ACADM: variants seen among roughly 807,000 people sequenced by gnomAD.
The protein encoded by ACADM is acyl-CoA dehydrogenase medium chain, also known as medium-chain specific acyl-CoA dehydrogenase, mitochondrial.
Under a neutral mutation model 58.9 loss-of-function variants are expected in ACADM, and 49 were observed. The ratio of observed to expected loss-of-function variants is 0.83; its 90% CI spans 0.66 to 1.06. The LOEUF (loss-of-function observed/expected upper bound fraction) is 1.06, where lower values mean the gene tolerates loss of function less well. Ranked by LOEUF, ACADM falls within the 50% of genes least tolerant of loss-of-function variation. The pLI, the probability that ACADM is intolerant of heterozygous loss-of-function variation, is 0.00. For missense variants in ACADM, 496 were observed against 507.0 expected (o/e 0.98, Z 0.21); for synonymous variants, 160 against 157.7 (o/e 1.01, Z -0.11).
At chr1:75,754,757 G>T (rs569265134) in intron 10 of ACADM, among the ~76,000 whole-genome samples, 2 of 152,338 alleles carry the variant, frequency 1.3e-5, no homozygotes, top group South Asian at 4.1e-4. Context: ...ATCTCACTGG[G>T]ATTTGTCGTA....
At chr1:75,761,634 G>A in intron 11 of ACADM, 1 of 446,282 alleles carries the variant, frequency 2.2e-6, no homozygotes. Context: ...AGTTTTAACA[G>A]ATTGGCTAAT....
chr1:75,749,952 C>G (rs1365923123), intron 9 of ACADM, among the ~76,000 whole-genome samples: 1 of 152,090 alleles, frequency 6.6e-6, no homozygotes, highest in Non-Finnish European at 1.5e-5. Flanking sequence ...ACCTCGTGAT[C>G]TGCCTACCTC....
chr1:75,734,236 T>C (rs1647200375), intron 5 of ACADM, among the ~76,000 whole-genome samples: 1 of 146,238 alleles, frequency 6.8e-6, no homozygotes, highest in Non-Finnish European at 1.5e-5. Context: ...CGATCTCAGC[T>C]CACTGCAAGC....
intron 1 of ACADM, among the ~76,000 whole-genome samples, chr1:75,725,483 C>T (rs1340914261): frequency 6.6e-6 from 1 of 152,148 alleles, no homozygotes; most frequent in Non-Finnish European, 1.5e-5. Context: ...CCATGTTTTG[C>T]TGGTGTTATG....
intron 10 of ACADM, among the ~76,000 whole-genome samples, chr1:75,752,729 T>A (rs958552906): frequency 6.6e-5 from 10 of 152,206 alleles, no homozygotes; most frequent in Admixed American, 3.3e-4. Flanking sequence ...CAATTTCAGA[T>A]TTTTTTGTTA....
At chr1:75,751,067 C>T (rs1368940888) in intron 10 of ACADM, among the ~76,000 whole-genome samples, 5 of 149,628 alleles carry the variant, frequency 3.3e-5, no homozygotes, top group Non-Finnish European at 1.5e-5. Flanking sequence ...TCTAGCCGGG[C>T]GCGGTGGATC....
chr1:75,745,535 A>ATC, intron 7 of ACADM: 1 of 449,104 alleles, frequency 2.2e-6, no homozygotes, highest in Non-Finnish European at 4.1e-6. Flanking sequence ...AATATCATAT[A>ATC]TACTGTACTG....
intron 10 of ACADM, among the ~76,000 whole-genome samples, chr1:75,754,332 C>T (rs558900553): frequency 2.0e-5 from 3 of 151,760 alleles, no homozygotes; most frequent in Admixed American, 1.3e-4. Context: ...CTCAGCCTCC[C>T]GAGTAGCTGG....
intron 8 of ACADM, among the ~76,000 whole-genome samples, chr1:75,746,342 T>C (rs1647900210): frequency 6.6e-6 from 1 of 152,134 alleles, no homozygotes; most frequent in Admixed American, 6.5e-5. Flanking sequence ...TACTAGGTCA[T>C]ACAACACTAA....
At chr1:75,757,378 A>G (rs992453769) in intron 10 of ACADM, among the ~76,000 whole-genome samples, 1 of 152,174 alleles carries the variant, frequency 6.6e-6, no homozygotes, top group Non-Finnish European at 1.5e-5. Context: ...AATCAACCCT[A>G]TCAAAAAGTG....
intron 1 of ACADM, among the ~76,000 whole-genome samples, chr1:75,725,923 A>G (rs1033921198): frequency 6.6e-6 from 1 of 152,252 alleles, no homozygotes; most frequent in African/African-American, 2.4e-5. Context: ...ACATTCAGCA[A>G]TTATAACTCC....
chr1:75,736,889 C>A (rs1407895365), intron 6 of ACADM, among the ~76,000 whole-genome samples: 1 of 152,010 alleles, frequency 6.6e-6, no homozygotes, highest in Non-Finnish European at 1.5e-5. Context: ...GTGTTTTTAA[C>A]AGTTAGCCCC....
At position 75,736,173 on chromosome 1, in the gene ACADM, T is replaced by TACACACACACACACACACAC. The variant is rs10647103; in HGVS notation, c.468+1315_468+1334dup. Among the ~76,000 whole-genome samples, 1,288 of 144,516 alleles carry TACACACACACACACACACAC rather than the reference T, an allele frequency of 8.9e-3. 17 individuals are homozygous for TACACACACACACACACACAC. The highest frequency in any genetic ancestry group is 0.031 in the African/African-American group (1,175 of 38,448). 94.8% of individuals were successfully genotyped at this position (144,516 alleles called of 152,430 possible). A position where few individuals can be genotyped will look rare whatever the true frequency, so the allele number is the denominator to read the frequency against. The stretch of plus-strand genomic sequence containing the variant: ...AACAAGATAAATACACACACAGACA[T>TACACACACACACACACACAC]ACACACACACACACACACACACACA... On this transcript the variant is annotated intron_variant, in intron 6 of 11. Transcript: ENST00000370841.
intron 7 of ACADM, among the ~76,000 whole-genome samples, chr1:75,742,478 C>G (rs1647633163): frequency 6.6e-6 from 1 of 152,160 alleles, no homozygotes; most frequent in Non-Finnish European, 1.5e-5. Context: ...CTCCTCAGCC[C>G]ACGGGCTTAC....
chr1:75,731,304 A>G (rs996557397), intron 2 of ACADM, among the ~76,000 whole-genome samples: 8 of 139,276 alleles, frequency 5.7e-5, no homozygotes, highest in African/African-American at 1.8e-4. Flanking sequence ...AAAAAAAAAA[A>G]AGAGATTTGA....
chr1:75,736,434 T>C lies in ACADM; in HGVS notation c.468+1563T>C, dbSNP rs570073489. ...TGTTTAATAAAGGAATTTGTACATA[T>C]TTGCTAGGAAATTTGCAATTTTTTT... On this transcript the variant is annotated intron_variant, in intron 6 of 11. Coordinates refer to ENST00000370841, the MANE Select transcript of ACADM (RefSeq NM_000016.6). 2.1e-5 allele frequency among the ~76,000 whole-genome samples: 3 copies of C among 141,666 alleles called. No individual in the cohort carries two copies. In the East Asian group the frequency reaches 5.8e-4, roughly 27 times the overall value. The allele number at this position is 141,666 out of a possible 152,430, so 92.9% of individuals were successfully genotyped here.
At chr1:75,733,283 CA>C (rs1647183945) in intron 4 of ACADM, 3 of 1,336,308 alleles carry the variant, frequency 2.2e-6, no homozygotes, top group Non-Finnish European at 3.0e-6. Context: ...TGAGTTTTAA[CA>C]AAATCAAGTT....
Position 75,724,926 on chromosome 1 carries a change from G to A in ACADM, c.30+109G>A, listed in dbSNP as rs529155733. ...GCGGCCGGGAGGAGTGGGAAGTCGG[G>A]CTGAGGAAGGAGCCAGCCTAGGGGC... On this transcript the variant is annotated intron_variant, in intron 1 of 11. Transcript: ENST00000370841. The A allele has an allele frequency of 3.0e-5, 36 of 1,196,244 alleles. No homozygotes were observed. The African/African-American group carries it at 5.2e-4, about 17-fold the overall frequency. The allele number at this position is 1,196,244 out of a possible 1,614,324, so 74.1% of individuals were successfully genotyped here.
intron 7 of ACADM, among the ~76,000 whole-genome samples, chr1:75,743,077 G>A (rs1278748684): frequency 6.6e-6 from 1 of 152,160 alleles, no homozygotes; most frequent in Non-Finnish European, 1.5e-5. Flanking sequence ...GGTCCTCGGG[G>A]GTTTCTCTAT....
Sources: allele counts gnomAD v4.1 joint callset (sites outside exome capture counted in the v4.1 genomes callset), GRCh38; gene constraint gnomAD v4.1.1; transcripts MANE v1.5; gene names NCBI Gene and HGNC (gene_info 2026-07-23, HGNC 2026-07-21).